The following DOCK2 variants were observed in gnomAD, a reference collection of about 807,000 sequenced individuals.
The protein encoded by DOCK2 is dedicator of cytokinesis protein 2.
A neutral mutation model predicts 248.9 loss-of-function variants in DOCK2; 87 were observed. That is an observed-to-expected ratio of 0.35 (90% CI 0.29 to 0.42). The LOEUF is 0.42. DOCK2 is among the 10% of genes least tolerant of loss of function. The pLI is 1.00. For synonymous variants in DOCK2, 805 were observed against 821.6 expected, an observed-to-expected ratio of 0.98 and a Z score of 0.35; for missense variants, 1,747 against 2,300.2, an observed-to-expected ratio of 0.76 and a Z score of 4.92.
intron 25 of DOCK2, among the ~76,000 whole-genome samples, chr5:169,767,821 T>C (rs191057025): frequency 6.6e-6 from 1 of 152,374 alleles, no homozygotes; most frequent in East Asian, 1.9e-4. Flanking sequence ...TAAATATATA[T>C]TAAGTTTTTA....
Position 169,818,309 on chromosome 5 carries a change from G to A in DOCK2, c.2703+15103G>A, listed in dbSNP as rs79852579. Among the ~76,000 whole-genome samples, 562 of 152,218 alleles carry A rather than the reference G, an allele frequency of 3.7e-3. 1 individual carries two copies. Among genetic ancestry groups the A allele is most frequent in the African/African-American group, 0.013 (538 of 41,546 alleles). ...CCCCTATGAGCACAAAGGCCGTATC[G>A]GTCTTGTTCACTGCCATATCCTAGC... is the stretch of plus-strand genomic sequence containing the variant. On this transcript the variant is annotated intron_variant, in intron 26 of 51. Transcript: ENST00000520908.
intron 27 of DOCK2, among the ~76,000 whole-genome samples, chr5:169,943,626 C>T (rs1488919309): frequency 6.6e-6 from 1 of 152,166 alleles, no homozygotes; most frequent in Non-Finnish European, 1.5e-5. Flanking sequence ...AATTTATCTG[C>T]CTGGCCTCAT....
intron 22 of DOCK2, among the ~76,000 whole-genome samples, chr5:169,719,503 C>G (rs1214150686): frequency 6.6e-6 from 1 of 152,192 alleles, no homozygotes; most frequent in East Asian, 1.9e-4. Flanking sequence ...GAACACGCAA[C>G]TGAAACTGAC....
chr5:169,803,339 C>G, intron 26 of DOCK2, 133 bp downstream of exon 26: 1 of 1,208,434 alleles, frequency 8.3e-7, no homozygotes, highest in Non-Finnish European at 1.1e-6. Context: ...AGCAGGCCTA[C>G]TTTTCCTGTG....
intron 30 of DOCK2, among the ~76,000 whole-genome samples, chr5:170,003,432 C>A (rs1292247994): frequency 1.3e-5 from 2 of 152,256 alleles, no homozygotes; most frequent in African/African-American, 4.8e-5. Context: ...AGGCCAGGTG[C>A]AGAACAGTGG....
Position 169,654,474 on chromosome 5 carries a change from G to A in DOCK2, c.115G>A (p.Glu39Lys). The A allele has an allele frequency of 6.2e-7, 1 of 1,614,148 alleles. No individual in the cohort carries two copies. Among genetic ancestry groups the A allele is most frequent in the Non-Finnish European group, 8.5e-7 (1 of 1,180,024 alleles). ...GATCGGCGATGTGGTGCGAATACAGGAGACGTGTGGAGGTGAGTCACTGGC... is the reference window on the plus strand; with the variant it reads ...GATCGGCGATGTGGTGCGAATACAGAAGACGTGTGGAGGTGAGTCACTGGC... Reference protein sequence around the residue: ...LQIGDVVRIQETCGDWYRGYL... With the variant: ...LQIGDVVRIQKTCGDWYRGYL... Residue 39 changes from glutamate to lysine, a missense_variant, in exon 2 of 52, where the codon GAG becomes AAG. This residue lies in a region of DOCK2 where 375 missense variants were observed against 510.9 expected (regional missense o/e 0.73). Transcript: ENST00000520908.
intron 22 of DOCK2, among the ~76,000 whole-genome samples, chr5:169,721,655 A>G (rs1762212224): frequency 6.6e-6 from 1 of 152,186 alleles, no homozygotes; most frequent in Non-Finnish European, 1.5e-5. Context: ...GCATAACTGC[A>G]GCGGATCTAG....
chr5:169,779,373 G>C (rs1318295688), intron 25 of DOCK2: 22 of 152,264 alleles, frequency 1.4e-4, no homozygotes, highest in Admixed American at 1.4e-3. Flanking sequence ...TTAGGGAGGG[G>C]GTGGTGGGGC....
intron 27 of DOCK2, among the ~76,000 whole-genome samples, chr5:169,867,047 T>A (rs1323646035): frequency 6.6e-6 from 1 of 152,206 alleles, no homozygotes; most frequent in East Asian, 1.9e-4. Context: ...ACCCCTTCTT[T>A]GGGTTTGATT....
intron 27 of DOCK2, among the ~76,000 whole-genome samples, chr5:169,973,097 A>G (rs575813643): frequency 6.6e-6 from 1 of 152,342 alleles, no homozygotes; most frequent in South Asian, 2.1e-4. Context: ...AAAACGAGGT[A>G]AACTGAAGAA....
At chr5:169,829,199 A>G (rs1419269102) in intron 26 of DOCK2, among the ~76,000 whole-genome samples, 1 of 152,120 alleles carries the variant, frequency 6.6e-6, no homozygotes, top group Non-Finnish European at 1.5e-5. Context: ...GCTTTCTGGA[A>G]AAATAGTTGC....
intron 25 of DOCK2, among the ~76,000 whole-genome samples, chr5:169,796,382 G>A (rs1345657554): frequency 6.6e-6 from 1 of 152,198 alleles, no homozygotes; most frequent in Non-Finnish European, 1.5e-5. Flanking sequence ...ATGGAGGAGA[G>A]GGGTAATGGC....
intron 51 of DOCK2, 53 bp downstream of exon 51, chr5:170,082,037 G>C: frequency 6.3e-7 from 1 of 1,599,330 alleles, no homozygotes. Context: ...AGAAAGGGAA[G>C]AGAGCAATGC....
rs769766167 is a variant in DOCK2 at position 170,067,615 on chromosome 5, A to C, written c.4573A>C (p.Asn1525His). 1.9e-6 allele frequency: 3 copies of C among 1,614,068 alleles called. No homozygotes were observed. Among genetic ancestry groups the C allele is most frequent in the Non-Finnish European group, 2.5e-6 (3 of 1,180,008 alleles). The change falls in exon 45 of 52, where the codon AAC becomes CAC. Residue 1525 changes from asparagine (N) to histidine (H), a missense_variant. Physicochemically the swap from Asn to His is moderately conservative, Grantham distance 68. This residue lies in a region of DOCK2 where 513 missense variants were observed against 586.1 expected (regional missense o/e 0.88). Coordinates refer to ENST00000520908, the MANE Select transcript of DOCK2 (RefSeq NM_004946.3). The stretch of plus-strand genomic sequence containing the variant: ...CCAGAGTGATGAGACCCTCCCCATC[A>C]ACCCACTCTCCATGCTCCTGAACGG... ...QYQSDETLPI[N>H]PLSMLLNGIV...
intron 26 of DOCK2, among the ~76,000 whole-genome samples, chr5:169,838,246 A>G (rs1769714120): frequency 2.0e-5 from 3 of 152,266 alleles, no homozygotes; most frequent in African/African-American, 4.8e-5. Context: ...TCCAGTCTGC[A>G]TGGGTGAGTT....
At chr5:169,948,494 T>A (rs766551436) in intron 27 of DOCK2, among the ~76,000 whole-genome samples, 20 of 152,156 alleles carry the variant, frequency 1.3e-4, no homozygotes, top group Non-Finnish European at 2.8e-4. Context: ...TCTGTATATC[T>A]GACTATCATC....
chr5:169,791,319 G>A (rs1277704370), intron 25 of DOCK2, among the ~76,000 whole-genome samples: 1 of 152,194 alleles, frequency 6.6e-6, no homozygotes, highest in Non-Finnish European at 1.5e-5. Flanking sequence ...ATGCGATGGG[G>A]AAGCCCAACC....
intron 48 of DOCK2, among the ~76,000 whole-genome samples, chr5:170,078,270 C>T (rs1014937516): frequency 3.3e-5 from 5 of 152,198 alleles, no homozygotes; most frequent in African/African-American, 1.2e-4. Flanking sequence ...ACCCCTCTGT[C>T]GGGGGTCTTC....
intron 35 of DOCK2, among the ~76,000 whole-genome samples, chr5:170,035,614 A>T (rs973901699): frequency 4.6e-5 from 7 of 152,226 alleles, no homozygotes; most frequent in Admixed American, 1.3e-4. Context: ...GCCAGCTAAG[A>T]TCAGGGAGAA....
Sources: allele counts gnomAD v4.1 joint callset (sites outside exome capture counted in the v4.1 genomes callset), GRCh38; gene constraint gnomAD v4.1.1; regional missense constraint gnomAD v4.1.1; transcripts MANE v1.5; gene names NCBI Gene and HGNC (gene_info 2026-07-23, HGNC 2026-07-21).